The following KIF3C variants were observed in gnomAD, a reference collection of about 807,000 sequenced individuals.
KIF3C encodes the protein kinesin family member 3C, also known as kinesin-like protein KIF3C.
In KIF3C, 12 loss-of-function variants were observed where a neutral mutation model predicts 67.7. That is an observed-to-expected ratio of 0.18 (90% CI 0.11 to 0.29). KIF3C has a LOEUF of 0.29. KIF3C is among the 10% of genes least tolerant of loss of function. KIF3C has a pLI of 1.00. For synonymous variants in KIF3C, 393 were observed against 426.2 expected, an observed-to-expected ratio of 0.92 and a Z score of 0.96; for missense variants, 789 against 1,059.6, an observed-to-expected ratio of 0.74 and a Z score of 3.55.
In KIF3C at chr2:25,980,501, C is replaced by T; in HGVS notation, c.1417G>A (p.Ala473Thr). The change falls in exon 1 of 8, where the codon GCA becomes ACA. Residue 473 changes from alanine to threonine, a missense_variant. Physicochemically the swap from Ala to Thr is moderately conservative, Grantham distance 58 (BLOSUM62 0). Transcript: ENST00000264712. The surrounding 1 kb of genome is among the most constrained non-coding windows in gnomAD (Gnocchi z 7.6). ...AGGCTGCGGTCATCCTGGATGGCTG[C>T]CTTCTCCTCCTCCAGCCGCTCCTTC... is the stretch of plus-strand genomic sequence containing the variant. ...EQKERLEEEKAAIQDDRSLVS... is the reference protein window; with the variant it reads ...EQKERLEEEKTAIQDDRSLVS... The T allele has an allele frequency of 6.2e-7, 1 of 1,614,168 alleles. No homozygotes were observed. The highest frequency in any genetic ancestry group is 8.5e-7 in the Non-Finnish European group (1 of 1,180,044).
At position 25,958,355 on chromosome 2, in the gene KIF3C, C is replaced by A. The variant is rs990518162; in HGVS notation, c.1546-1911G>T. On this transcript the variant is annotated intron_variant, in intron 1 of 7. Transcript: ENST00000264712. The surrounding 1 kb of genome is among the most constrained non-coding windows in gnomAD (Gnocchi z 4.5). ...CAGCACTTTGGGAAGTTGAGGTGGG[C>A]GGATCATCTGAGGTCAGGAGTTCGA... 2.0e-5 allele frequency among the ~76,000 whole-genome samples: 3 copies of A among 152,014 alleles called. No homozygotes were observed. The highest frequency in any genetic ancestry group is 7.3e-5 in the African/African-American group (3 of 41,378).
At chr2:25,968,633 C>A (rs1419681878) in intron 1 of KIF3C, among the ~76,000 whole-genome samples, 1 of 151,990 alleles carries the variant, frequency 6.6e-6, no homozygotes, top group Non-Finnish European at 1.5e-5. Flanking sequence ...GTAGTCTGAG[C>A]AGTTTACAGA....
In KIF3C at chr2:25,929,338, G is replaced by C; in HGVS notation, c.2255C>G (p.Pro752Arg). The change falls in exon 7 of 8, where the codon CCT becomes CGT. Residue 752 changes from proline (P) to arginine (R), a missense_variant. By Grantham distance (103) the Pro-to-Arg change is moderately radical. Around this residue, in one of 2 missense-constraint regions of KIF3C, gnomAD observed 648 missense variants for 807.8 expected, o/e 0.80. Coordinates refer to ENST00000264712, the MANE Select transcript of KIF3C (RefSeq NM_002254.8). The stretch of plus-strand genomic sequence containing the variant: ...GGACTTTCGGACTTTAGACGTGGAA[G>C]GTCTTTCCAGAAAGCTGTCCAATCG... The part of the protein sequence containing the change: ...LMRLDSFLER[P>R]STSKVRKSRS... 1.2e-6 allele frequency: 2 copies of C among 1,614,156 alleles called. No individual in the cohort carries two copies. The highest frequency in any genetic ancestry group is 4.5e-5 in the East Asian group (2 of 44,882).
Position 25,981,138 on chromosome 2 carries a change from T to G in KIF3C, c.780A>C (p.Thr260=). Residue 260 remains threonine, a synonymous_variant, in exon 1 of 8, where the codon ACA becomes ACC. Transcript: ENST00000264712. The surrounding 1 kb of genome is among the most constrained non-coding windows in gnomAD (Gnocchi z 8.2). ...SERQNKAGPN[T]AGGAATPSSG... Reference sequence around the variant, plus strand: ...AGGATGGTGTGGCTGCCCCTCCCGCTGTGTTGGGGCCTGCCTTGTTCTGCC... The same window carrying G: ...AGGATGGTGTGGCTGCCCCTCCCGCGGTGTTGGGGCCTGCCTTGTTCTGCC... 6.2e-7 allele frequency: 1 copy of G among 1,614,034 alleles called. No homozygotes were observed. Among genetic ancestry groups the G allele is most frequent in the Non-Finnish European group, 8.5e-7 (1 of 1,180,010 alleles).
chr2:25,932,456 G>A lies in KIF3C; in HGVS notation c.2007-2393C>T, dbSNP rs938864963. On this transcript the variant is annotated intron_variant, in intron 5 of 7. Transcript: ENST00000264712. ...ACCCAGCCTATTTTTCTTCATAGGA[G>A]TTAGCATAATAAAATGGTTAAAAAC... Among the ~76,000 whole-genome samples, 5 of 151,872 alleles carry A rather than the reference G, an allele frequency of 3.3e-5. No individual in the cohort carries two copies. In the East Asian group the frequency reaches 5.8e-4, roughly 18 times the overall value.
chr2:25,929,198 C>G, intron 7 of KIF3C, 107 bp downstream of exon 7: 1 of 1,429,362 alleles, frequency 7.0e-7, no homozygotes, highest in Non-Finnish European at 9.7e-7. Flanking sequence ...CACCCCTTGC[C>G]CTTCCTGCCC....
chr2:25,973,397 T>C (rs186121585), intron 1 of KIF3C, among the ~76,000 whole-genome samples: 102 of 152,006 alleles, frequency 6.7e-4, no homozygotes, highest in African/African-American at 2.4e-3. Flanking sequence ...CTACTAAAAA[T>C]ACAAAACTTA....
At chr2:25,957,655 A>G (rs563599929) in intron 1 of KIF3C, among the ~76,000 whole-genome samples, 2 of 152,260 alleles carry the variant, frequency 1.3e-5, no homozygotes, top group Non-Finnish European at 2.9e-5. Flanking sequence ...GGGTGCTGTC[A>G]GACTTGGGGA....
rs34983264 is a variant in KIF3C, at chr2:25,944,347, C to CTTT, written c.2006+7439_2006+7441dup. ...GAGAACATTGGTAAATCATAATTGC[C>CTTT]TTTTTTTTTTTTTTTTTGAGACAGG... On this transcript the variant is annotated intron_variant, in intron 5 of 7. Coordinates refer to ENST00000264712, the MANE Select transcript of KIF3C (RefSeq NM_002254.8). Among the ~76,000 whole-genome samples, 488 of 133,980 alleles carry CTTT rather than the reference C, an allele frequency of 3.6e-3. 3 individuals carry two copies. The highest frequency in any genetic ancestry group is 0.013 in the African/African-American group (460 of 36,292). 87.9% of individuals were successfully genotyped at this position (133,980 alleles called of 152,430 possible). A position where few individuals can be genotyped will look rare whatever the true frequency, so the allele number is the denominator to read the frequency against.
Position 25,951,794 on chromosome 2 carries a change from G to T in KIF3C, c.2001C>A (p.Ala667=). ...EQWKFQPLVP[A]GVSSSQMKKR... is the part of the protein sequence containing the mutation. ...CAGCTGGGTTAGAGACTCACACGCCGGCTGGCACCAGTGGCTGGAACTTCC... is the reference window on the plus strand; with the variant it reads ...CAGCTGGGTTAGAGACTCACACGCCTGCTGGCACCAGTGGCTGGAACTTCC... Residue 667 remains alanine, a synonymous_variant, in exon 5 of 8, where the codon GCC becomes GCA. Transcript: ENST00000264712. The T allele has an allele frequency of 6.2e-7, 1 of 1,611,434 alleles. No homozygotes were observed.
In KIF3C at chr2:25,978,447, G is replaced by A. The variant is rs552441527; in HGVS notation, c.1545+1926C>T. ...GCTCTTCCATATATAAAGGGGCTAG[G>A]CTCTCCTCAACTCACCTGTGTGGCC... On this transcript the variant is annotated intron_variant, in intron 1 of 7. Transcript: ENST00000264712. Among the ~76,000 whole-genome samples, 5 of 152,254 alleles carry A rather than the reference G, an allele frequency of 3.3e-5. No homozygotes were observed. In the East Asian group the frequency reaches 9.6e-4, roughly 29 times the overall value.
rs776961663 is a variant in KIF3C at position 25,928,950 on chromosome 2, T to C, written c.*28A>G. 7 of 1,597,954 alleles carry C rather than the reference T, an allele frequency of 4.4e-6. No homozygotes were observed. Among genetic ancestry groups the C allele is most frequent in the Non-Finnish European group, 6.0e-6 (7 of 1,168,550 alleles). ...TTGGCTGCCCCATCCCAGGAGTCTA[T>C]TGGATGGGCAGCCTGACGTGATGGT... On this transcript the variant is annotated 3_prime_UTR_variant, in exon 8 of 8. Coordinates refer to ENST00000264712, the MANE Select transcript of KIF3C (RefSeq NM_002254.8).
At chr2:25,946,879 G>T (rs888126012) in intron 5 of KIF3C, among the ~76,000 whole-genome samples, 6 of 151,572 alleles carry the variant, frequency 4.0e-5, no homozygotes, top group African/African-American at 9.7e-5. Context: ...AAGGCTGGGC[G>T]CAGTGGCTCA....
At position 25,981,121 on chromosome 2, in the gene KIF3C, G is replaced by A. The variant is rs1158162616; in HGVS notation, c.797C>T (p.Thr266Ile). Reference sequence around the variant, plus strand: ...GCCACCACCGCCACCCGAGGATGGTGTGGCTGCCCCTCCCGCTGTGTTGGG... The same window carrying A: ...GCCACCACCGCCACCCGAGGATGGTATGGCTGCCCCTCCCGCTGTGTTGGG... Reference protein sequence around the residue: ...AGPNTAGGAATPSSGGGGGGG... With the variant: ...AGPNTAGGAAIPSSGGGGGGG... The change falls in exon 1 of 8, where the codon ACA becomes ATA. Residue 266 changes from threonine (T) to isoleucine (I), a missense_variant. This residue lies in a region of KIF3C where 648 missense variants were observed against 807.8 expected (regional missense o/e 0.80). Coordinates refer to ENST00000264712, the MANE Select transcript of KIF3C (RefSeq NM_002254.8). The surrounding 1 kb of genome is among the most constrained non-coding windows in gnomAD (Gnocchi z 8.2). 1.2e-6 allele frequency: 2 copies of A among 1,614,120 alleles called. No homozygotes were observed. The highest frequency in any genetic ancestry group is 1.7e-6 in the Non-Finnish European group (2 of 1,180,032).
At chr2:25,973,630 A>G (rs182718441) in intron 1 of KIF3C, among the ~76,000 whole-genome samples, 1 of 152,178 alleles carries the variant, frequency 6.6e-6, no homozygotes, top group Non-Finnish European at 1.5e-5. Flanking sequence ...ACAACCGTGA[A>G]ATCATCACCA....
Position 25,928,120 on chromosome 2 carries a change from A to G in KIF3C, c.*858T>C, listed in dbSNP as rs1175939366. The G allele has an allele frequency of 6.6e-6, 1 of 152,438 alleles. No individual in the cohort carries two copies. Among genetic ancestry groups the G allele is most frequent in the Non-Finnish European group, 1.5e-5 (1 of 68,042 alleles). 9.4% of individuals were successfully genotyped at this position (152,438 alleles called of 1,614,324 possible). On this transcript the variant is annotated 3_prime_UTR_variant, in exon 8 of 8. Transcript: ENST00000264712. ...GGGAGAAATGATCGAAGCAGGCAGG[A>G]GCAGCCTCTTGAAAATGGGGAGTTG...
chr2:25,967,946 C>T (rs573656503), intron 1 of KIF3C, among the ~76,000 whole-genome samples: 7 of 152,306 alleles, frequency 4.6e-5, no homozygotes, highest in African/African-American at 9.6e-5. Flanking sequence ...CTCGCTGTTT[C>T]GGTATCTCAT....
chr2:25,956,357 C>G lies in KIF3C; in HGVS notation c.1633G>C (p.Glu545Gln). 1 of 1,614,090 alleles carries G rather than the reference C, an allele frequency of 6.2e-7. No homozygotes were observed. The highest frequency in any genetic ancestry group is 8.5e-7 in the Non-Finnish European group (1 of 1,179,994). The stretch of plus-strand genomic sequence containing the variant: ...GGAGGCCCTACCTGCTCGGCAATCT[C>G]CTGCCTCTTCAGTTCCAACATCTTC... ...QQKMLELKRQEIAEQKRRERE... is the reference protein window; with the variant it reads ...QQKMLELKRQQIAEQKRRERE... Residue 545 changes from glutamate to glutamine, a missense_variant, in exon 2 of 8, where the codon GAG becomes CAG. Glu to Gln is a conservative substitution (Grantham distance 29). Around this residue, in one of 2 missense-constraint regions of KIF3C, gnomAD observed 648 missense variants for 807.8 expected, o/e 0.80. Transcript: ENST00000264712.
intron 5 of KIF3C, among the ~76,000 whole-genome samples, chr2:25,945,639 G>A (rs1198105569): frequency 1.3e-5 from 2 of 150,274 alleles, no homozygotes; most frequent in African/African-American, 4.9e-5. Flanking sequence ...TGTAATCCCA[G>A]CACTTTGGGA....
Sources: gnomAD v4.1 joint callset for allele counts (sites outside exome capture counted in the v4.1 genomes callset) on GRCh38, gnomAD v4.1.1 for gene constraint, gnomAD v4.1.1 regional missense constraint, Gnocchi (gnomAD v3.1) non-coding constraint, MANE v1.5 for transcripts, NCBI Gene and HGNC (gene_info 2026-07-23, HGNC 2026-07-21) for gene names.